The following VKORC1L1 variants were observed in gnomAD, a reference collection of about 807,000 sequenced individuals.
VKORC1L1 encodes the protein vitamin K epoxide reductase complex subunit 1L1.
VKORC1L1 carries 2 observed loss-of-function variants against 18.9 expected under a neutral mutation model. The ratio of observed to expected loss-of-function variants is 0.11; its 90% confidence interval spans 0.04 to 0.33. The LOEUF is 0.33. Ranked by LOEUF, VKORC1L1 falls within the 10% of genes least tolerant of loss-of-function variation. The probability of loss-of-function intolerance (pLI) is 1.00; values close to 1 mark genes in which losing one functional copy is unlikely to be tolerated. For missense variants in VKORC1L1, 123 were observed against 224.1 expected, an observed-to-expected ratio of 0.55 and a Z score of 2.88; for synonymous variants, 96 against 100.0, an observed-to-expected ratio of 0.96 and a Z score of 0.24.
chr7:65,895,480 AATATATAT>A (rs1162173957), intron 1 of VKORC1L1, among the ~76,000 whole-genome samples: 1,737 of 42,582 alleles, frequency 0.041, 69 homozygotes, highest in African/African-American at 0.053. Context: ...AAAAAAAAAA[AATATATAT>A]ATATATATAT....
chr7:65,947,336 C>T (rs1790136725), intron 1 of VKORC1L1, among the ~76,000 whole-genome samples: 1 of 150,946 alleles, frequency 6.6e-6, no homozygotes, highest in Non-Finnish European at 1.5e-5. Flanking sequence ...TTTATCCTTG[C>T]TTTGGGGCAG....
chr7:65,930,962 T>C (rs537585308), intron 1 of VKORC1L1, among the ~76,000 whole-genome samples: 11 of 152,348 alleles, frequency 7.2e-5, no homozygotes, highest in African/African-American at 2.6e-4. Flanking sequence ...TCAAATATAT[T>C]ATCTGCATCT....
intron 1 of VKORC1L1, among the ~76,000 whole-genome samples, chr7:65,879,209 T>G (rs1788882324): frequency 6.6e-6 from 1 of 152,198 alleles, no homozygotes; most frequent in Non-Finnish European, 1.5e-5. Flanking sequence ...TATGTTCATA[T>G]TTAGTGAAAT....
At chr7:65,934,571 C>G (rs1183922314) in intron 1 of VKORC1L1, among the ~76,000 whole-genome samples, 1 of 152,154 alleles carries the variant, frequency 6.6e-6, no homozygotes, top group Non-Finnish European at 1.5e-5. Flanking sequence ...CACCATTCTA[C>G]TCTCTGCTTA....
In VKORC1L1 at chr7:65,954,524, A is replaced by G. The variant is rs1442602606; in HGVS notation, c.*224A>G. The G allele has an allele frequency of 5.3e-6, 4 of 760,060 alleles. No homozygotes were observed. Among genetic ancestry groups the G allele is most frequent in the Non-Finnish European group, 5.8e-6 (3 of 519,558 alleles). The allele number at this position is 760,060 out of a possible 1,614,324, so 47.1% of individuals were successfully genotyped here. On this transcript the variant is annotated 3_prime_UTR_variant, in exon 3 of 3. Transcript: ENST00000360768. ...ACAAAAAGGATACGCCGAGCCAATCAAAGACAAGCTTTAACTTTACTTTGA... is the reference window on the plus strand; with the variant it reads ...ACAAAAAGGATACGCCGAGCCAATCGAAGACAAGCTTTAACTTTACTTTGA...
At chr7:65,947,662 A>G (rs1316495904) in intron 1 of VKORC1L1, among the ~76,000 whole-genome samples, 1 of 152,158 alleles carries the variant, frequency 6.6e-6, no homozygotes, top group African/African-American at 2.4e-5. Flanking sequence ...ATAGGATTCC[A>G]GGAAAGACCT....
chr7:65,869,667 T>C (rs1418354315), upstream of VKORC1L1, among the ~76,000 whole-genome samples: 76 of 139,342 alleles, frequency 5.5e-4, no homozygotes, highest in African/African-American at 2.0e-3. Context: ...TTTTTTTTTT[T>C]AGAGACAGGG....
intron 1 of VKORC1L1, among the ~76,000 whole-genome samples, chr7:65,935,075 G>A (rs773284673): frequency 1.3e-5 from 2 of 151,484 alleles, no homozygotes; most frequent in Non-Finnish European, 2.9e-5. Flanking sequence ...AAAAAAGGGG[G>A]TCTATTTCAG....
In VKORC1L1 at chr7:65,873,526, T is replaced by C; in HGVS notation, c.155T>C (p.Leu52Pro). The C allele has an allele frequency of 6.3e-7, 1 of 1,582,366 alleles. No individual in the cohort carries two copies. The highest frequency in any genetic ancestry group is 2.3e-5 in the East Asian group (1 of 42,846). ...RDPEHRALCD[L>P]GPWVKCSAAL... ...CCCGAGCACCGGGCCCTCTGCGACC[T>C]GGGGCCCTGGGTGAAGTGCTCCGCC... The change falls in exon 1 of 3, where the codon CTG (leucine) becomes CCG (proline). Residue 52 changes from leucine (L) to proline (P), a missense_variant. Around this residue, in one of 4 missense-constraint regions of VKORC1L1, gnomAD observed 60 missense variants for 76.9 expected, o/e 0.78. Transcript: ENST00000360768.
chr7:65,924,304 G>A (rs1789725225), intron 1 of VKORC1L1, among the ~76,000 whole-genome samples: 1 of 152,158 alleles, frequency 6.6e-6, no homozygotes, highest in Admixed American at 6.5e-5. Flanking sequence ...GAGGCCTTTA[G>A]TGGCCAATCA....
At chr7:65,915,764 G>A (rs1319899023) in intron 1 of VKORC1L1, among the ~76,000 whole-genome samples, 1 of 151,656 alleles carries the variant, frequency 6.6e-6, no homozygotes, top group Non-Finnish European at 1.5e-5. Context: ...ATTAGGTGTT[G>A]CAAAATGGTG....
chr7:65,912,187 C>T (rs1440254726), intron 1 of VKORC1L1, among the ~76,000 whole-genome samples: 1 of 152,174 alleles, frequency 6.6e-6, no homozygotes, highest in Non-Finnish European at 1.5e-5. Context: ...TTTTCAAAAG[C>T]TTGACAATGC....
At chr7:65,877,028 TAGAG>T (rs1274169855) in intron 1 of VKORC1L1, among the ~76,000 whole-genome samples, 1 of 152,028 alleles carries the variant, frequency 6.6e-6, no homozygotes, top group Non-Finnish European at 1.5e-5. Flanking sequence ...GCCTGGGTGG[TAGAG>T]AGAGACCCTG....
intron 1 of VKORC1L1, among the ~76,000 whole-genome samples, chr7:65,917,876 C>G (rs1789613981): frequency 6.6e-6 from 1 of 152,156 alleles, no homozygotes; most frequent in South Asian, 2.1e-4. Flanking sequence ...AGCCAAAACT[C>G]TGTCAAGTTA....
intron 1 of VKORC1L1, among the ~76,000 whole-genome samples, chr7:65,924,048 C>G (rs984483774): frequency 2.0e-5 from 3 of 152,142 alleles, no homozygotes; most frequent in Admixed American, 1.3e-4. Flanking sequence ...TCCAGTATAG[C>G]AGTGCATGAG....
In VKORC1L1 at chr7:65,876,175, A is replaced by G. The variant is rs531615963; in HGVS notation, c.194+2610A>G. Among the ~76,000 whole-genome samples, 49 of 152,322 alleles carry G rather than the reference A, an allele frequency of 3.2e-4. No individual in the cohort carries two copies. In the South Asian group the frequency reaches 6.6e-3, roughly 21 times the overall value. On this transcript the variant is annotated intron_variant, in intron 1 of 2. Coordinates refer to ENST00000360768, the MANE Select transcript of VKORC1L1 (RefSeq NM_173517.6). Reference sequence around the variant, plus strand: ...CCAGTAAAAACAATAACACACCACTATCTCCTGTCACCATCATTTCATTTA... The same window carrying G: ...CCAGTAAAAACAATAACACACCACTGTCTCCTGTCACCATCATTTCATTTA...
intron 2 of VKORC1L1, among the ~76,000 whole-genome samples, chr7:65,949,474 C>T (rs932620806): frequency 3.4e-5 from 5 of 148,290 alleles, no homozygotes; most frequent in Admixed American, 1.4e-4. Flanking sequence ...AGCGAAACTC[C>T]GTCTCACAAA....
chr7:65,954,364 T>A lies in VKORC1L1; in HGVS notation c.*64T>A. ...TCCATTCAGTTTATTTTGCAGCAGG[T>A]TTTTATTATTATTATTATTATTATT... is the stretch of plus-strand genomic sequence containing the variant. On this transcript the variant is annotated 3_prime_UTR_variant, in exon 3 of 3. Coordinates refer to ENST00000360768, the MANE Select transcript of VKORC1L1 (RefSeq NM_173517.6). The A allele has an allele frequency of 6.6e-7, 1 of 1,526,498 alleles. No homozygotes were observed. The highest frequency in any genetic ancestry group is 8.7e-7 in the Non-Finnish European group (1 of 1,143,332). 94.6% of individuals were successfully genotyped at this position (1,526,498 alleles called of 1,614,324 possible).
chr7:65,941,439 G>A (rs1790031263), intron 1 of VKORC1L1, among the ~76,000 whole-genome samples: 1 of 152,044 alleles, frequency 6.6e-6, no homozygotes, highest in African/African-American at 2.4e-5. Flanking sequence ...AGATGTGGGT[G>A]TGGCTATAAG....
Sources: allele counts gnomAD v4.1 joint callset (sites outside exome capture counted in the v4.1 genomes callset), GRCh38; gene constraint gnomAD v4.1.1; regional missense constraint gnomAD v4.1.1; transcripts MANE v1.5; gene names NCBI Gene and HGNC (gene_info 2026-07-23, HGNC 2026-07-21).